Variants in CALCRL observed in about 807,000 individuals in gnomAD.
The protein encoded by CALCRL is calcitonin gene-related peptide type 1 receptor.
CALCRL carries 27 observed loss-of-function variants against 60.4 expected under a neutral mutation model. The observed-to-expected ratio is 0.45, with a 90% confidence interval of 0.33 to 0.62. The LOEUF is 0.62. Among genes scored for constraint, CALCRL ranks in the 20% least tolerant of loss-of-function variants. The pLI is 0.03. For synonymous variants in CALCRL, 190 were observed against 182.6 expected, an observed-to-expected ratio of 1.04 and a Z score of -0.33; for missense variants, 424 against 540.7, an observed-to-expected ratio of 0.78 and a Z score of 2.14.
At chr2:187,436,796 A>G (rs1282955237) in intron 1 of CALCRL, 2 of 152,142 alleles carry the variant, frequency 1.3e-5, no homozygotes, top group African/African-American at 4.8e-5. Context: ...AATCTAGCAA[A>G]TCAAATGTCT....
intron 1 of CALCRL, among the ~76,000 whole-genome samples, chr2:187,410,823 T>G (rs1689324784): frequency 6.6e-6 from 1 of 151,982 alleles, no homozygotes; most frequent in Non-Finnish European, 1.5e-5. Flanking sequence ...CCTTTGTACT[T>G]TGGGATGAGA....
At chr2:187,422,366 A>G (rs969086985) in intron 1 of CALCRL, among the ~76,000 whole-genome samples, 4 of 152,164 alleles carry the variant, frequency 2.6e-5, no homozygotes, top group African/African-American at 4.8e-5. Context: ...ATCCAGCTTC[A>G]TCTAGTACAA....
At chr2:187,352,479 T>C in intron 12 of CALCRL, 147 bp from the exon 13 acceptor site, 1 of 548,386 alleles carries the variant, frequency 1.8e-6, no homozygotes, top group African/African-American at 1.9e-5. Context: ...AGGCATTAAT[T>C]TATATTTCTG....
chr2:187,443,528 C>T (rs953471086), intron 1 of CALCRL, among the ~76,000 whole-genome samples: 1 of 151,514 alleles, frequency 6.6e-6, no homozygotes, highest in Non-Finnish European at 1.5e-5. Context: ...CTATAAATAC[C>T]ATATACCTAA....
At chr2:187,386,851 G>A (rs1419614863) in intron 3 of CALCRL, among the ~76,000 whole-genome samples, 2 of 152,124 alleles carry the variant, frequency 1.3e-5, no homozygotes, top group African/African-American at 2.4e-5. Context: ...GAGTAAATAA[G>A]GCTCACAAGA....
chr2:187,372,398 G>A (rs1402713820), intron 8 of CALCRL, among the ~76,000 whole-genome samples: 4 of 151,608 alleles, frequency 2.6e-5, no homozygotes, highest in African/African-American at 9.7e-5. Flanking sequence ...CTCAGGGCTT[G>A]GCAAGCCCTA....
chr2:187,374,758 AGTAACTC>A (rs1380099801), intron 8 of CALCRL, among the ~76,000 whole-genome samples: 4 of 152,158 alleles, frequency 2.6e-5, no homozygotes, highest in African/African-American at 9.7e-5. Context: ...TGAAAAAATC[AGTAACTC>A]TTACTACTCA....
chr2:187,436,074 T>G (rs1011325408), intron 1 of CALCRL, among the ~76,000 whole-genome samples: 11 of 152,226 alleles, frequency 7.2e-5, no homozygotes, highest in African/African-American at 1.9e-4. Flanking sequence ...TCTTGTTATT[T>G]ATTGGTAGTT....
At chr2:187,370,724 A>G (rs1687481869) in intron 8 of CALCRL, among the ~76,000 whole-genome samples, 2 of 152,202 alleles carry the variant, frequency 1.3e-5, no homozygotes, top group Non-Finnish European at 2.9e-5. Context: ...ATGTTAAAGC[A>G]TGTCCATTAC....
intron 8 of CALCRL, among the ~76,000 whole-genome samples, chr2:187,374,337 C>G (rs1687653221): frequency 6.6e-6 from 1 of 152,134 alleles, no homozygotes; most frequent in Non-Finnish European, 1.5e-5. Flanking sequence ...TTGCTTCTCT[C>G]TTTTCAAATT....
At chr2:187,376,975 TTG>T (rs1186256826) in intron 8 of CALCRL, among the ~76,000 whole-genome samples, 2 of 152,106 alleles carry the variant, frequency 1.3e-5, no homozygotes, top group Non-Finnish European at 2.9e-5. Context: ...CTATCGTTAA[TTG>T]CAATTCTGGA....
chr2:187,380,458 A>G lies in CALCRL; in HGVS notation c.408+9T>C, dbSNP rs1281030893. 2 of 1,489,226 alleles carry G rather than the reference A, an allele frequency of 1.3e-6. No homozygotes were observed. Among genetic ancestry groups the G allele is most frequent in the South Asian group, 2.3e-5 (2 of 88,162 alleles). The allele number at this position is 1,489,226 out of a possible 1,614,324, so 92.3% of individuals were successfully genotyped here. On this transcript the variant is annotated intron_variant, in intron 7 of 14. Coordinates refer to ENST00000392370, the MANE Select transcript of CALCRL (RefSeq NM_005795.6). ...GTAAGTTAAATTTCAATTCAGAATTATGACATACCTTCACTTTCTCGTGGG... is the reference window on the plus strand; with the variant it reads ...GTAAGTTAAATTTCAATTCAGAATTGTGACATACCTTCACTTTCTCGTGGG...
At chr2:187,411,355 A>G (rs1183698694) in intron 1 of CALCRL, among the ~76,000 whole-genome samples, 1 of 152,190 alleles carries the variant, frequency 6.6e-6, no homozygotes, top group African/African-American at 2.4e-5. Context: ...TGATAACATT[A>G]TCTGCTACAC....
chr2:187,397,015 TAAAC>T (rs1203917491), intron 1 of CALCRL, among the ~76,000 whole-genome samples: 1 of 151,700 alleles, frequency 6.6e-6, no homozygotes, highest in Non-Finnish European at 1.5e-5. Flanking sequence ...ACTAGCAAAT[TAAAC>T]AACTTCTTTA....
At chr2:187,443,216 A>G (rs1378066226) in intron 1 of CALCRL, among the ~76,000 whole-genome samples, 1 of 151,828 alleles carries the variant, frequency 6.6e-6, no homozygotes, top group Non-Finnish European at 1.5e-5. Context: ...TCTTACAGAT[A>G]GATTGCATTC....
In CALCRL at chr2:187,360,728, G is replaced by T; in HGVS notation, c.651C>A (p.Phe217Leu). 1 of 1,608,074 alleles carries T rather than the reference G, an allele frequency of 6.2e-7. No homozygotes were observed. Residue 217 changes from phenylalanine to leucine, a missense_variant, in exon 10 of 15, where the codon TTC becomes TTA. Around this residue, in one of 7 missense-constraint regions of CALCRL, gnomAD observed 43 missense variants for 40.9 expected, o/e 1.05. Coordinates refer to ENST00000392370, the MANE Select transcript of CALCRL (RefSeq NM_005795.6). ...TACAGCCCATCAGGTAAAGATGAAT[G>T]AACTGGGACACTTTGCAACTAACCT... is the stretch of plus-strand genomic sequence containing the variant. The part of the protein sequence containing the change: ...TNPVSCKVSQ[F>L]IHLYLMGCNY...
At chr2:187,431,212 A>G (rs1690389959) in intron 1 of CALCRL, 1 of 154,820 alleles carries the variant, frequency 6.5e-6, no homozygotes, top group Non-Finnish European at 1.5e-5. Flanking sequence ...ACTATTGTTA[A>G]CATGGTCTTA....
chr2:187,351,845 T>C, intron 14 of CALCRL, 75 bp downstream of exon 14: 2 of 895,570 alleles, frequency 2.2e-6, no homozygotes. Flanking sequence ...TATAATTTTA[T>C]CTCATTTAAA....
chr2:187,439,326 T>TA (rs1383577732), intron 1 of CALCRL, among the ~76,000 whole-genome samples: 1 of 151,964 alleles, frequency 6.6e-6, no homozygotes, highest in Non-Finnish European at 1.5e-5. Context: ...CTACTAAAAA[T>TA]ACAAAAATTA....
Sources: gnomAD v4.1 joint callset for allele counts (sites outside exome capture counted in the v4.1 genomes callset) on GRCh38, gnomAD v4.1.1 for gene constraint, gnomAD v4.1.1 regional missense constraint, MANE v1.5 for transcripts, NCBI Gene and HGNC (gene_info 2026-07-23, HGNC 2026-07-21) for gene names.